The following NKAIN2 variants were observed in gnomAD, a reference collection of about 807,000 sequenced individuals.
NKAIN2 encodes the protein sodium/potassium-transporting ATPase subunit beta-1-interacting protein 2.
A neutral mutation model predicts 32.6 loss-of-function variants in NKAIN2; 14 were observed. The ratio of observed to expected loss-of-function variants is 0.43; its 90% CI spans 0.28 to 0.67. The LOEUF is 0.67. Among genes scored for constraint, NKAIN2 ranks in the 30% least tolerant of loss-of-function variants. NKAIN2 has a pLI of 0.17. For synonymous variants in NKAIN2, 80 were observed against 87.2 expected, an observed-to-expected ratio of 0.92 and a Z score of 0.46; for missense variants, 198 against 258.3, an observed-to-expected ratio of 0.77 and a Z score of 1.60.
chr6:123,915,658 ATTGGGAAATACT>A (rs1775453928), intron 1 of NKAIN2, among the ~76,000 whole-genome samples: 1 of 152,268 alleles, frequency 6.6e-6, no homozygotes, highest in Non-Finnish European at 1.5e-5. Flanking sequence ...ATTGGTTTTG[ATTGGGAAATACT>A]TCAAATTGAT....
chr6:124,364,782 G>A (rs10872284), intron 3 of NKAIN2, among the ~76,000 whole-genome samples: 35,168 of 151,554 alleles, frequency 0.23, 4,156 homozygotes, highest in Admixed American at 0.3. Flanking sequence ...AGAGAAAAAG[G>A]GAATTTTAGG....
At chr6:124,520,368 C>T (rs1346324742) in intron 3 of NKAIN2, among the ~76,000 whole-genome samples, 2 of 152,040 alleles carry the variant, frequency 1.3e-5, no homozygotes, top group African/African-American at 4.8e-5. Context: ...TTCCCATTGG[C>T]TATCATGAGA....
chr6:123,856,691 G>C (rs1010443029), intron 1 of NKAIN2, among the ~76,000 whole-genome samples: 2 of 152,134 alleles, frequency 1.3e-5, no homozygotes, highest in African/African-American at 4.8e-5. Context: ...ACCTATATCT[G>C]TGACACCCCA....
At chr6:124,533,825 C>T (rs116184859) in intron 3 of NKAIN2, among the ~76,000 whole-genome samples, 15 of 152,172 alleles carry the variant, frequency 9.9e-5, no homozygotes, top group Non-Finnish European at 1.6e-4. Flanking sequence ...TGAAAGTCCC[C>T]GCAGATCTGG....
intron 1 of NKAIN2, among the ~76,000 whole-genome samples, chr6:124,166,927 A>G (rs1788578711): frequency 6.7e-6 from 1 of 149,772 alleles, no homozygotes; most frequent in Non-Finnish European, 1.5e-5. Flanking sequence ...GTAGCCTTGT[A>G]GTATAGTTTG....
At chr6:124,785,337 G>A (rs564450100) in intron 4 of NKAIN2, among the ~76,000 whole-genome samples, 3 of 151,962 alleles carry the variant, frequency 2.0e-5, no homozygotes, top group Non-Finnish European at 4.4e-5. Context: ...GCATTTTTGC[G>A]ATGTCTACTC....
At chr6:124,699,854 A>C (rs756310259) in intron 4 of NKAIN2, among the ~76,000 whole-genome samples, 9 of 152,192 alleles carry the variant, frequency 5.9e-5, no homozygotes, top group Non-Finnish European at 8.8e-5. Context: ...TGGAAGTCAC[A>C]GATTCATGTA....
rs1205303294 is a variant in NKAIN2, at chr6:124,192,741, G to GTTTT, written c.55-90241_55-90238dup. ...TCTATTTCTCTCCTTAGTTCCATCCGTTTTTTTTTTTTTTTTTTTTTTTTT... is the reference window on the plus strand; with the variant it reads ...TCTATTTCTCTCCTTAGTTCCATCCGTTTTTTTTTTTTTTTTTTTTTTTTTTTTT... On this transcript the variant is annotated intron_variant, in intron 1 of 6. Coordinates refer to ENST00000368417, the MANE Select transcript of NKAIN2 (RefSeq NM_001040214.3). Among the ~76,000 whole-genome samples the GTTTT allele has an allele frequency of 1.9e-4, 15 of 77,186 alleles. 1 individual carries two copies. The highest frequency in any genetic ancestry group is 3.9e-4 in the South Asian group (1 of 2,534). 50.6% of individuals were successfully genotyped at this position (77,186 alleles called of 152,430 possible).
chr6:123,868,568 T>G (rs1034084853), intron 1 of NKAIN2, among the ~76,000 whole-genome samples: 2 of 152,134 alleles, frequency 1.3e-5, no homozygotes, highest in African/African-American at 4.8e-5. Flanking sequence ...GAATAGAGAG[T>G]GTGCTAGTAA....
chr6:124,078,097 GT>G (rs1385796727), intron 1 of NKAIN2, among the ~76,000 whole-genome samples: 1 of 152,116 alleles, frequency 6.6e-6, no homozygotes, highest in Admixed American at 6.6e-5. Flanking sequence ...ATAAAGTATA[GT>G]TCATTTATTG....
At chr6:124,583,882 T>A (rs1029519720) in intron 3 of NKAIN2, among the ~76,000 whole-genome samples, 2 of 152,138 alleles carry the variant, frequency 1.3e-5, no homozygotes, top group Non-Finnish European at 2.9e-5. Flanking sequence ...GCCAAGAACA[T>A]ACATTGAAGA....
intron 1 of NKAIN2, among the ~76,000 whole-genome samples, chr6:123,836,785 G>A (rs1266363210): frequency 1.3e-5 from 2 of 152,140 alleles, no homozygotes; most frequent in African/African-American, 4.8e-5. Flanking sequence ...ATTAGGGGAA[G>A]TGTGGTGAAG....
chr6:124,449,495 C>T (rs906155675), intron 3 of NKAIN2, among the ~76,000 whole-genome samples: 1 of 152,056 alleles, frequency 6.6e-6, no homozygotes, highest in African/African-American at 2.4e-5. Context: ...GACAAACCTA[C>T]AGATTGAAAG....
intron 3 of NKAIN2, among the ~76,000 whole-genome samples, chr6:124,522,774 A>G (rs1223210147): frequency 1.3e-5 from 2 of 152,232 alleles, no homozygotes; most frequent in Non-Finnish European, 2.9e-5. Context: ...GAAAATCTAT[A>G]TTGATAAAAC....
chr6:123,937,232 A>T (rs924314741), intron 1 of NKAIN2, among the ~76,000 whole-genome samples: 1 of 152,126 alleles, frequency 6.6e-6, no homozygotes, highest in African/African-American at 2.4e-5. Flanking sequence ...TCTACTCTGG[A>T]AAGTTAAAAC....
At chr6:124,025,322 G>T (rs945275251) in intron 1 of NKAIN2, among the ~76,000 whole-genome samples, 2 of 152,084 alleles carry the variant, frequency 1.3e-5, no homozygotes, top group Non-Finnish European at 2.9e-5. Flanking sequence ...GTAGGAGATC[G>T]GATGCATGAT....
intron 2 of NKAIN2, among the ~76,000 whole-genome samples, chr6:124,296,659 C>T (rs1349466386): frequency 6.6e-6 from 1 of 152,152 alleles, no homozygotes; most frequent in Non-Finnish European, 1.5e-5. Flanking sequence ...CAAGGAACCA[C>T]ATCAAAATTC....
intron 4 of NKAIN2, among the ~76,000 whole-genome samples, chr6:124,698,914 A>AG (rs537188621): frequency 1.4e-3 from 220 of 152,306 alleles, no homozygotes; most frequent in African/African-American, 4.9e-3. Flanking sequence ...AGGGGTGTAG[A>AG]GGTTAGTGCA....
At chr6:124,311,569 T>C (rs1796719328) in intron 2 of NKAIN2, among the ~76,000 whole-genome samples, 2 of 152,162 alleles carry the variant, frequency 1.3e-5, no homozygotes, top group Admixed American at 1.3e-4. Flanking sequence ...AGATTACATC[T>C]ACTACGTTTA....
Sources: gnomAD v4.1 joint callset for allele counts (sites outside exome capture counted in the v4.1 genomes callset) on GRCh38, gnomAD v4.1.1 for gene constraint, MANE v1.5 for transcripts, NCBI Gene and HGNC (gene_info 2026-07-23, HGNC 2026-07-21) for gene names.